KLHL33: variants seen among roughly 807,000 people sequenced by gnomAD.
The protein encoded by KLHL33 is kelch like family member 33.
In KLHL33, 46 loss-of-function variants were observed where a neutral mutation model predicts 60.8. The observed-to-expected ratio is 0.76, with a 90% CI of 0.60 to 0.97. The LOEUF (loss-of-function observed/expected upper bound fraction) is 0.97, where lower values mean the gene tolerates loss of function less well. KLHL33 is among the 50% of genes least tolerant of loss of function. The pLI is 0.00. For missense variants in KLHL33, 1,055 were observed against 1,000.0 expected (o/e 1.05, Z -0.74); for synonymous variants, 434 against 432.2 (o/e 1.00, Z -0.05).
rs12587478 is a variant in KLHL33 at position 20,430,188 on chromosome 14, C to T, written c.1280G>A (p.Arg427His). 2,272 of 1,551,522 alleles carry T rather than the reference C, an allele frequency of 1.5e-3. 42 individuals carry two copies. In the East Asian group the frequency reaches 0.042, roughly 29 times the overall value. The change falls in exon 3 of 5, where the codon CGC becomes CAC. Residue 427 changes from arginine (R) to histidine (H), a missense_variant. By Grantham distance (29) the Arg-to-His change is conservative. Transcript: ENST00000636854. Reference protein sequence around the residue: ...SEAKALLRCVRFGRMSTRELR... With the variant: ...SEAKALLRCVHFGRMSTRELR... ...CTCCCTGGTGGACATGCGGCCAAAG[C>T]GGACACATCGCAGCAGGGCCTTGGC...
intron 2 of KLHL33, 33 bp from the exon 3 acceptor site, chr14:20,430,752 C>G (rs1187113597): frequency 8.4e-6 from 12 of 1,421,776 alleles, no homozygotes; most frequent in Non-Finnish European, 1.1e-5. Context: ...GAGGAGGACT[C>G]AAAGTATTGC....
Position 20,430,169 on chromosome 14 carries a change from G to A in KLHL33, c.1299C>T (p.Thr433=). Residue 433 remains threonine (T), a synonymous_variant, in exon 3 of 5, where the codon ACC becomes ACT. Coordinates refer to ENST00000636854, the MANE Select transcript of KLHL33 (RefSeq NM_001365790.2). Reference sequence around the variant, plus strand: ...CTGCCCGCACCCTCCGCAACTCCCTGGTGGACATGCGGCCAAAGCGGACAC... The same window carrying A: ...CTGCCCGCACCCTCCGCAACTCCCTAGTGGACATGCGGCCAAAGCGGACAC... ...LRCVRFGRMS[T]RELRRVRAAG... is the part of the protein sequence containing the mutation. 6.4e-7 allele frequency: 1 copy of A among 1,551,550 alleles called. No individual in the cohort carries two copies. Among genetic ancestry groups the A allele is most frequent in the East Asian group, 2.4e-5 (1 of 40,910 alleles).
Position 20,429,555 on chromosome 14 carries a change from A to T in KLHL33, c.1788T>A (p.Asn596Lys). 6.4e-7 allele frequency: 1 copy of T among 1,552,204 alleles called. No individual in the cohort carries two copies. Among genetic ancestry groups the T allele is most frequent in the East Asian group, 2.4e-5 (1 of 40,876 alleles). Residue 596 changes from asparagine (N) to lysine (K), a missense_variant, in exon 4 of 5, where the codon AAT becomes AAA. Asn to Lys is a moderately conservative substitution (Grantham distance 94). Coordinates refer to ENST00000636854, the MANE Select transcript of KLHL33 (RefSeq NM_001365790.2). ...TCTCCACAGAGTCCAGGGCAACATCATTGTGTCTTCCACCCAGGGCATAAA... is the reference window on the plus strand; with the variant it reads ...TCTCCACAGAGTCCAGGGCAACATCTTTGTGTCTTCCACCCAGGGCATAAA... ...GKLYALGGRH[N>K]DVALDSVETY...
intron 2 of KLHL33, among the ~76,000 whole-genome samples, chr14:20,433,642 T>TA (rs1000160718): frequency 6.6e-6 from 1 of 152,250 alleles, no homozygotes; most frequent in African/African-American, 2.4e-5. Context: ...CCTAGGATTT[T>TA]AAGTGACAGA....
chr14:20,426,934 A>G lies in KLHL33; in HGVS notation c.*1915T>C, dbSNP rs1880294832. Reference sequence around the variant, plus strand: ...ATTCTCAGTAAACTATCGCAAGGACAAAAAAACCAAACACCGCATGTTCTC... The same window carrying G: ...ATTCTCAGTAAACTATCGCAAGGACGAAAAAACCAAACACCGCATGTTCTC... On this transcript the variant is annotated 3_prime_UTR_variant, in exon 5 of 5. Coordinates refer to ENST00000636854, the MANE Select transcript of KLHL33 (RefSeq NM_001365790.2). 1 of 123,732 alleles carries G rather than the reference A, an allele frequency of 8.1e-6. No homozygotes were observed. Among genetic ancestry groups the G allele is most frequent in the African/African-American group, 3.9e-5 (1 of 25,522 alleles). 7.7% of individuals were successfully genotyped at this position (123,732 alleles called of 1,614,324 possible).
Position 20,429,041 on chromosome 14 carries a change from G to T in KLHL33, c.2202C>A (p.Leu734=). The T allele has an allele frequency of 6.4e-7, 1 of 1,551,698 alleles. No individual in the cohort carries two copies. The highest frequency in any genetic ancestry group is 1.4e-5 in the African/African-American group (1 of 73,174). The change falls in exon 5 of 5, where the codon CTC becomes CTA. Residue 734 remains leucine (L), a synonymous_variant. Transcript: ENST00000636854. Reference sequence around the variant, plus strand: ...CATAAGTACGGTGACTGTAGCCCCCGAGCACCAGTAGCTCCCCCTGCAGCA... The same window carrying T: ...CATAAGTACGGTGACTGTAGCCCCCTAGCACCAGTAGCTCCCCCTGCAGCA... ...SAVLQGELLV[L]GGYSHRTYAL...
rs977427031 is a variant in KLHL33, at chr14:20,430,644, C to T, written c.824G>A (p.Gly275Asp). ...MLLSGMRESQ[G>D]TEVSLRTIST... is the part of the protein sequence containing the mutation. ...GATCGTCCGCAGAGATACCTCTGTG[C>T]CCTGGGATTCCCTCATCCCGCTCAG... is the stretch of plus-strand genomic sequence containing the variant. Residue 275 changes from glycine (G) to aspartate (D), a missense_variant, in exon 3 of 5, where the codon GGC (glycine) becomes GAC (aspartate). By Grantham distance (94) the Gly-to-Asp change is moderately conservative. Coordinates refer to ENST00000636854, the MANE Select transcript of KLHL33 (RefSeq NM_001365790.2). The T allele has an allele frequency of 1.3e-6, 2 of 1,535,346 alleles. No individual in the cohort carries two copies. The highest frequency in any genetic ancestry group is 1.7e-6 in the Non-Finnish European group (2 of 1,146,748).
At chr14:20,435,032 C>G in intron 2 of KLHL33, 32 bp downstream of exon 2, 1 of 1,233,492 alleles carries the variant, frequency 8.1e-7, no homozygotes. Flanking sequence ...GCATATGCAC[C>G]TGCAGTAATT....
At chr14:20,433,935 A>G (rs991911427) in intron 2 of KLHL33, among the ~76,000 whole-genome samples, 2 of 152,166 alleles carry the variant, frequency 1.3e-5, no homozygotes, top group Admixed American at 1.3e-4. Flanking sequence ...CAGCCCAACT[A>G]GATAATCTCT....
chr14:20,434,456 A>T (rs113413801), intron 2 of KLHL33, among the ~76,000 whole-genome samples: 1 of 151,736 alleles, frequency 6.6e-6, no homozygotes. Flanking sequence ...CAGGACAATC[A>T]CTTGAACCCA....
Position 20,429,497 on chromosome 14 carries a change from C to A in KLHL33, c.1841+5G>T. 1 of 1,552,154 alleles carries A rather than the reference C, an allele frequency of 6.4e-7. No individual in the cohort carries two copies. Among genetic ancestry groups the A allele is most frequent in the East Asian group, 2.4e-5 (1 of 40,906 alleles). On this transcript the variant is annotated splice_donor_5th_base_variant and intron_variant, in intron 4 of 4. Coordinates refer to ENST00000636854, the MANE Select transcript of KLHL33 (RefSeq NM_001365790.2). ...TCTCTCCCAGATGCCCCCTTGCCTG[C>A]TTACCTCCAGACATTGAGCTCAGGG...
Position 20,430,438 on chromosome 14 carries a change from G to C in KLHL33, c.1030C>G (p.Pro344Ala), listed in dbSNP as rs1031642800. 14 of 1,551,594 alleles carry C rather than the reference G, an allele frequency of 9.0e-6. No homozygotes were observed. In the African/African-American group the frequency reaches 1.8e-4, roughly 20 times the overall value. ...LSPARCLALF[P>A]MAEAPGLERL... ...TCCAACCCAGGGGCTTCCGCCATGG[G>C]GAACAGGGCCAGGCAACGGGCAGGG... is the stretch of plus-strand genomic sequence containing the variant. The change falls in exon 3 of 5, where the codon CCC becomes GCC. Residue 344 changes from proline to alanine, a missense_variant. Transcript: ENST00000636854.
intron 1 of KLHL33, 129 bp downstream of exon 1, chr14:20,435,970 A>C: frequency 2.0e-6 from 1 of 510,554 alleles, no homozygotes; most frequent in East Asian, 3.5e-5. Flanking sequence ...ACATCCCAGC[A>C]CTGGAGTATC....
chr14:20,429,058 C>A lies in KLHL33; in HGVS notation c.2185G>T (p.Gly729Trp). 6.4e-7 allele frequency: 1 copy of A among 1,551,736 alleles called. No homozygotes were observed. The highest frequency in any genetic ancestry group is 8.7e-7 in the Non-Finnish European group (1 of 1,147,002). Residue 729 changes from glycine (G) to tryptophan (W), a missense_variant, in exon 5 of 5, where the codon GGG (glycine) becomes TGG (tryptophan). Coordinates refer to ENST00000636854, the MANE Select transcript of KLHL33 (RefSeq NM_001365790.2). ...HVGAASAVLQ[G>W]ELLVLGGYSH... ...TAGCCCCCGAGCACCAGTAGCTCCC[C>A]CTGCAGCACAGCACTTGCAGCCCCC...
Position 20,428,761 on chromosome 14 carries a change from T to A in KLHL33, c.*88A>T, listed in dbSNP as rs1196629641. ...TGTGAGAATAAAATACTACCAAGAA[T>A]AAAGCCTCTTTTCACTCCCCACAAT... On this transcript the variant is annotated 3_prime_UTR_variant, in exon 5 of 5. Coordinates refer to ENST00000636854, the MANE Select transcript of KLHL33 (RefSeq NM_001365790.2). 9.6e-6 allele frequency: 11 copies of A among 1,148,170 alleles called. No homozygotes were observed. Among genetic ancestry groups the A allele is most frequent in the Non-Finnish European group, 1.2e-5 (10 of 812,558 alleles). 71.1% of individuals were successfully genotyped at this position (1,148,170 alleles called of 1,614,324 possible). A position where few individuals can be genotyped will look rare whatever the true frequency, so the allele number is the denominator to read the frequency against.
chr14:20,428,783 C>A lies in KLHL33; in HGVS notation c.*66G>T. 2 of 1,359,634 alleles carry A rather than the reference C, an allele frequency of 1.5e-6. No homozygotes were observed. Among genetic ancestry groups the A allele is most frequent in the Non-Finnish European group, 2.0e-6 (2 of 996,632 alleles). The allele number at this position is 1,359,634 out of a possible 1,614,324, so 84.2% of individuals were successfully genotyped here. On this transcript the variant is annotated 3_prime_UTR_variant, in exon 5 of 5. Transcript: ENST00000636854. ...GAATAAAGCCTCTTTTCACTCCCCA[C>A]AATCTCTGTCCTTCTCTCAGGCTAT...
Position 20,429,027 on chromosome 14 carries a change from T to C in KLHL33, c.2216A>G (p.His739Arg), listed in dbSNP as rs1251751605. 2 of 1,551,498 alleles carry C rather than the reference T, an allele frequency of 1.3e-6. No individual in the cohort carries two copies. The highest frequency in any genetic ancestry group is 2.7e-5 in the African/African-American group (2 of 73,018). ...AAGGTGAGAGAGGGCATAAGTACGG[T>C]GACTGTAGCCCCCGAGCACCAGTAG... ...GELLVLGGYS[H>R]RTYALSHLIH... Residue 739 changes from histidine (H) to arginine (R), a missense_variant, in exon 5 of 5, where the codon CAC (histidine) becomes CGC (arginine). By Grantham distance (29) the His-to-Arg change is conservative (BLOSUM62 0). Transcript: ENST00000636854.
At chr14:20,432,756 T>A (rs1266064221) in intron 2 of KLHL33, among the ~76,000 whole-genome samples, 1 of 151,746 alleles carries the variant, frequency 6.6e-6, no homozygotes, top group Non-Finnish European at 1.5e-5. Context: ...ACCCCATCTC[T>A]ACAAAAAATA....
intron 2 of KLHL33, among the ~76,000 whole-genome samples, chr14:20,434,544 A>G (rs1880621296): frequency 1.6e-4 from 4 of 24,390 alleles, no homozygotes; most frequent in African/African-American, 6.7e-4. Context: ...CTGTCTCAGA[A>G]AAAAAAAAAA....
Sources: gnomAD v4.1 joint callset for allele counts (sites outside exome capture counted in the v4.1 genomes callset) on GRCh38, gnomAD v4.1.1 for gene constraint, MANE v1.5 for transcripts, NCBI Gene and HGNC (gene_info 2026-07-23, HGNC 2026-07-21) for gene names.